The following DCC variants were observed in gnomAD, a reference collection of about 807,000 sequenced individuals.
DCC encodes the protein netrin receptor DCC.
Under a neutral mutation model 172.5 loss-of-function variants are expected in DCC, and 58 were observed. That is an observed-to-expected ratio of 0.34 (90% CI 0.27 to 0.42). DCC has a LOEUF of 0.42. DCC is among the 10% of genes least tolerant of loss of function. The probability of loss-of-function intolerance (pLI) is 1.00; values close to 1 mark genes in which losing one functional copy is unlikely to be tolerated. For synonymous variants in DCC, 709 were observed against 644.5 expected, an observed-to-expected ratio of 1.10 and a Z score of -1.52; for missense variants, 1,740 against 1,791.0, an observed-to-expected ratio of 0.97 and a Z score of 0.51.
At chr18:53,514,729 C>T (rs1330526103) in intron 27 of DCC, among the ~76,000 whole-genome samples, 3 of 145,044 alleles carry the variant, frequency 2.1e-5, no homozygotes, top group African/African-American at 5.1e-5. Context: ...AACACATACA[C>T]TCTCCCAAGA....
At chr18:52,374,994 A>T (rs763175581) in intron 1 of DCC, among the ~76,000 whole-genome samples, 1 of 152,298 alleles carries the variant, frequency 6.6e-6, no homozygotes, top group East Asian at 1.9e-4. Flanking sequence ...ACTTGTCTAC[A>T]TGTCATTGCC....
intron 7 of DCC, among the ~76,000 whole-genome samples, chr18:53,134,735 A>G (rs2043714384): frequency 6.6e-6 from 1 of 152,108 alleles, no homozygotes; most frequent in African/African-American, 2.4e-5. Context: ...CCTTATAGTG[A>G]CTTATTTTGT....
chr18:52,838,491 T>C (rs961436688), intron 2 of DCC, among the ~76,000 whole-genome samples: 6 of 152,140 alleles, frequency 3.9e-5, no homozygotes, highest in African/African-American at 9.7e-5. Context: ...CCCTAGAAGA[T>C]GCCGGGGTGT....
chr18:53,032,736 G>A (rs2042042645), intron 5 of DCC, among the ~76,000 whole-genome samples: 1 of 152,124 alleles, frequency 6.6e-6, no homozygotes, highest in African/African-American at 2.4e-5. Flanking sequence ...GAGCTTTAGG[G>A]TACAGAGTGC....
At chr18:52,741,593 A>G (rs752456087) in intron 1 of DCC, among the ~76,000 whole-genome samples, 4 of 152,176 alleles carry the variant, frequency 2.6e-5, no homozygotes, top group African/African-American at 9.7e-5. Context: ...GACAACTACT[A>G]CTTTAAAACA....
intron 2 of DCC, among the ~76,000 whole-genome samples, chr18:52,845,200 C>T (rs2038866038): frequency 6.6e-6 from 1 of 152,138 alleles, no homozygotes; most frequent in Admixed American, 6.6e-5. Flanking sequence ...AGAATATTTT[C>T]CCATGTGTTA....
At chr18:52,983,443 C>T (rs149438659) in intron 5 of DCC, among the ~76,000 whole-genome samples, 38 of 152,206 alleles carry the variant, frequency 2.5e-4, no homozygotes, top group African/African-American at 8.7e-4. Context: ...TGGGCAGTGA[C>T]ATTTTTAGGC....
chr18:53,077,469 C>T (rs1161657663), intron 7 of DCC, among the ~76,000 whole-genome samples: 2 of 152,058 alleles, frequency 1.3e-5, no homozygotes, highest in Non-Finnish European at 1.5e-5. Flanking sequence ...GGTCTGGGCC[C>T]CTCCTGTTAT....
intron 26 of DCC, among the ~76,000 whole-genome samples, chr18:53,496,234 G>A (rs1188734178): frequency 6.6e-6 from 1 of 152,134 alleles, no homozygotes; most frequent in African/African-American, 2.4e-5. Flanking sequence ...GCCTCTCTGG[G>A]ACGAAGCTTC....
At chr18:53,311,042 G>A (rs1165583507) in intron 13 of DCC, among the ~76,000 whole-genome samples, 2 of 135,994 alleles carry the variant, frequency 1.5e-5, no homozygotes, top group Non-Finnish European at 3.2e-5. Flanking sequence ...TTATGATCCT[G>A]ACAAACATAG....
chr18:52,603,324 T>A (rs2034056383), intron 1 of DCC, among the ~76,000 whole-genome samples: 1 of 151,978 alleles, frequency 6.6e-6, no homozygotes, highest in Non-Finnish European at 1.5e-5. Context: ...TTATTTAGCT[T>A]TGGGCCTCTG....
intron 1 of DCC, among the ~76,000 whole-genome samples, chr18:52,534,671 T>G (rs2032241237): frequency 1.3e-5 from 2 of 152,188 alleles, no homozygotes; most frequent in African/African-American, 4.8e-5. Flanking sequence ...CCTTGCAGAT[T>G]GAGAGTAAAA....
intron 12 of DCC, among the ~76,000 whole-genome samples, chr18:53,304,950 A>G (rs1261248639): frequency 6.6e-6 from 1 of 152,176 alleles, no homozygotes; most frequent in Non-Finnish European, 1.5e-5. Flanking sequence ...AGGTAATTGA[A>G]TCATGGGGGC....
chr18:52,989,799 T>A (rs549256174), intron 5 of DCC, among the ~76,000 whole-genome samples: 12 of 152,268 alleles, frequency 7.9e-5, no homozygotes, highest in African/African-American at 2.9e-4. Context: ...TAATTCTGAC[T>A]GCTACTAGGA....
intron 12 of DCC, among the ~76,000 whole-genome samples, chr18:53,280,533 T>C (rs192015299): frequency 1.3e-3 from 204 of 152,216 alleles, no homozygotes; most frequent in African/African-American, 4.4e-3. Context: ...TGCTCTGGAG[T>C]TACTGGGTGT....
At chr18:52,996,501 G>A (rs1028412961) in intron 5 of DCC, among the ~76,000 whole-genome samples, 3 of 151,966 alleles carry the variant, frequency 2.0e-5, no homozygotes, top group African/African-American at 7.2e-5. Context: ...TATGCAAGCA[G>A]TATTCTTCAC....
chr18:52,821,921 TATAAAC>T (rs942360697), intron 2 of DCC, among the ~76,000 whole-genome samples: 3 of 152,238 alleles, frequency 2.0e-5, no homozygotes, highest in African/African-American at 7.2e-5. Context: ...CACATGAAGT[TATAAAC>T]ACAAACATAA....
chr18:52,617,368 T>C (rs987467130), intron 1 of DCC, among the ~76,000 whole-genome samples: 1 of 152,234 alleles, frequency 6.6e-6, no homozygotes, highest in Admixed American at 6.5e-5. Context: ...AAAGAGGGAA[T>C]GGGGAATATT....
intron 1 of DCC, among the ~76,000 whole-genome samples, chr18:52,672,131 A>G (rs2035565716): frequency 6.6e-6 from 1 of 152,146 alleles, no homozygotes; most frequent in African/African-American, 2.4e-5. Flanking sequence ...CAAAACAACA[A>G]TACTTCAGTT....
Sources: gnomAD v4.1 joint callset for allele counts (sites outside exome capture counted in the v4.1 genomes callset) on GRCh38, gnomAD v4.1.1 for gene constraint, MANE v1.5 for transcripts, NCBI Gene and HGNC (gene_info 2026-07-23, HGNC 2026-07-21) for gene names.